LRRC4C: variants seen among roughly 807,000 people sequenced by gnomAD.
The protein encoded by LRRC4C is leucine-rich repeat-containing protein 4C.
In LRRC4C, 5 loss-of-function variants were observed where a neutral mutation model predicts 33.6. The ratio of observed to expected loss-of-function variants is 0.15; its 90% CI spans 0.08 to 0.31. The LOEUF (loss-of-function observed/expected upper bound fraction) is 0.31, where lower values mean the gene tolerates loss of function less well. Among genes scored for constraint, LRRC4C ranks in the 10% least tolerant of loss-of-function variants. LRRC4C has a pLI of 1.00. For synonymous variants in LRRC4C, 329 were observed against 302.0 expected (o/e 1.09, Z -0.93); for missense variants, 560 against 796.7 (o/e 0.70, Z 3.58).
At chr11:40,333,707 G>A (rs1440654210) in intron 3 of LRRC4C, among the ~76,000 whole-genome samples, 2 of 111,172 alleles carry the variant, frequency 1.8e-5, no homozygotes, top group African/African-American at 3.5e-5. Flanking sequence ...ACAAGAGTGA[G>A]ACTTTGTCTC....
chr11:41,229,019 A>C (rs1442683770), intron 1 of LRRC4C, among the ~76,000 whole-genome samples: 1 of 151,998 alleles, frequency 6.6e-6, no homozygotes, highest in Non-Finnish European at 1.5e-5. Flanking sequence ...TGGGGGTGTA[A>C]ATTCTCCTAT....
chr11:41,440,872 G>T (rs553068625), intron 1 of LRRC4C, among the ~76,000 whole-genome samples: 3 of 152,216 alleles, frequency 2.0e-5, no homozygotes, highest in Non-Finnish European at 4.4e-5. Flanking sequence ...TACTTTTCCT[G>T]AGGCCTCTGC....
intron 3 of LRRC4C, among the ~76,000 whole-genome samples, chr11:40,433,374 T>C (rs1008804212): frequency 6.9e-6 from 1 of 144,382 alleles, no homozygotes; most frequent in Non-Finnish European, 1.5e-5. Context: ...CACAAAAAGG[T>C]ATTTTAACTC....
chr11:41,170,177 G>C (rs1944908745), intron 1 of LRRC4C, among the ~76,000 whole-genome samples: 1 of 152,130 alleles, frequency 6.6e-6, no homozygotes, highest in Non-Finnish European at 1.5e-5. Flanking sequence ...TTTTTATACT[G>C]CCCAAGGTAA....
chr11:40,739,162 A>C (rs1414514097), intron 2 of LRRC4C, among the ~76,000 whole-genome samples: 1 of 151,916 alleles, frequency 6.6e-6, no homozygotes, highest in Non-Finnish European at 1.5e-5. Context: ...TCCAGGACTT[A>C]CTCATCCTGC....
intron 2 of LRRC4C, among the ~76,000 whole-genome samples, chr11:40,928,501 C>A (rs958570842): frequency 1.3e-5 from 2 of 151,774 alleles, no homozygotes; most frequent in East Asian, 1.9e-4. Flanking sequence ...TGGAGGTAAT[C>A]TATATTTTTA....
chr11:41,218,763 A>ATTTTTTTTTTT (rs1184491274), intron 1 of LRRC4C, among the ~76,000 whole-genome samples: 1 of 108,898 alleles, frequency 9.2e-6, no homozygotes, highest in Non-Finnish European at 1.8e-5. Flanking sequence ...TGCATATGTC[A>ATTTTTTTTTTT]TTTTTTTTTT....
At chr11:41,022,247 G>A (rs1856036932) in intron 1 of LRRC4C, among the ~76,000 whole-genome samples, 1 of 150,288 alleles carries the variant, frequency 6.7e-6, no homozygotes. Context: ...CATGTAGAAG[G>A]AAACTATCAA....
At position 40,868,801 on chromosome 11, in the gene LRRC4C, T is replaced by A. The variant is rs564373165; in HGVS notation, c.-407+64834A>T. On this transcript the variant is annotated intron_variant, in intron 2 of 6. Transcript: ENST00000528697. ...GAATTCAAAACTATGTTGTTCATAA[T>A]ATTAACAATGATATTTAAGAAACTG... 2.6e-5 allele frequency among the ~76,000 whole-genome samples: 4 copies of A among 152,332 alleles called. No homozygotes were observed. In the South Asian group the frequency reaches 8.3e-4, roughly 32 times the overall value.
chr11:41,141,105 C>T (rs1362377657), intron 1 of LRRC4C, among the ~76,000 whole-genome samples: 1 of 152,078 alleles, frequency 6.6e-6, no homozygotes, highest in African/African-American at 2.4e-5. Context: ...CAGCTAAATG[C>T]AACTTCAAAG....
intron 3 of LRRC4C, among the ~76,000 whole-genome samples, chr11:40,551,079 A>G (rs1227306257): frequency 6.6e-6 from 1 of 152,102 alleles, no homozygotes; most frequent in South Asian, 2.1e-4. Context: ...TTCCCCTTCA[A>G]TCTATCTCAG....
intron 1 of LRRC4C, among the ~76,000 whole-genome samples, chr11:41,261,695 G>A (rs1948987083): frequency 6.6e-6 from 1 of 152,108 alleles, no homozygotes; most frequent in African/African-American, 2.4e-5. Flanking sequence ...AGTGGGCAGA[G>A]AGATTAGACA....
intron 3 of LRRC4C, among the ~76,000 whole-genome samples, chr11:40,563,080 A>AT (rs938114954): frequency 2.0e-5 from 3 of 151,614 alleles, no homozygotes; most frequent in Non-Finnish European, 4.4e-5. Context: ...ATCAAATTCC[A>AT]TTTTTATCTC....
At chr11:40,912,929 A>G (rs1175672455) in intron 2 of LRRC4C, among the ~76,000 whole-genome samples, 2 of 152,240 alleles carry the variant, frequency 1.3e-5, no homozygotes, top group African/African-American at 4.8e-5. Context: ...TTAAACTAAC[A>G]AAGATCAAAA....
At chr11:40,721,173 A>G (rs973972244) in intron 2 of LRRC4C, among the ~76,000 whole-genome samples, 13 of 152,172 alleles carry the variant, frequency 8.5e-5, no homozygotes, top group African/African-American at 3.1e-4. Context: ...ATTAAAATCT[A>G]GATCCCCAGT....
chr11:41,363,123 A>G (rs559826702), intron 1 of LRRC4C, among the ~76,000 whole-genome samples: 1 of 152,240 alleles, frequency 6.6e-6, no homozygotes, highest in African/African-American at 2.4e-5. Context: ...TTGACAGTAA[A>G]ACAAAAGGAT....
At chr11:41,132,833 A>G (rs1280117259) in intron 1 of LRRC4C, among the ~76,000 whole-genome samples, 1 of 152,140 alleles carries the variant, frequency 6.6e-6, no homozygotes, top group African/African-American at 2.4e-5. Flanking sequence ...AAAAAGGACA[A>G]TGTGGGCAGA....
chr11:40,162,921 G>T (rs1859279030), intron 5 of LRRC4C, among the ~76,000 whole-genome samples: 1 of 152,102 alleles, frequency 6.6e-6, no homozygotes, highest in Non-Finnish European at 1.5e-5. Context: ...CAGCCTTTCT[G>T]GATGGAATGT....
At chr11:40,976,918 T>A (rs529546371) in intron 1 of LRRC4C, among the ~76,000 whole-genome samples, 1 of 152,212 alleles carries the variant, frequency 6.6e-6, no homozygotes, top group South Asian at 2.1e-4. Flanking sequence ...GCACTGTATT[T>A]CTAATATTAT....
Sources: allele counts gnomAD v4.1 joint callset (sites outside exome capture counted in the v4.1 genomes callset), GRCh38; gene constraint gnomAD v4.1.1; transcripts MANE v1.5; gene names NCBI Gene and HGNC (gene_info 2026-07-23, HGNC 2026-07-21).